The following FYN variants were observed in gnomAD, a reference collection of about 807,000 sequenced individuals.
The protein encoded by FYN is tyrosine-protein kinase Fyn.
FYN carries 10 observed loss-of-function variants against 70.2 expected under a neutral mutation model. The observed-to-expected ratio is 0.14, with a 90% CI of 0.09 to 0.24. The LOEUF (loss-of-function observed/expected upper bound fraction) is 0.24, where lower values mean the gene tolerates loss of function less well. Ranked by LOEUF, FYN falls within the 10% of genes least tolerant of loss-of-function variation. The probability of loss-of-function intolerance (pLI) is 1.00; values close to 1 mark genes in which losing one functional copy is unlikely to be tolerated. For missense variants in FYN, 319 were observed against 673.1 expected (o/e 0.47, Z 5.82); for synonymous variants, 236 against 248.6 (o/e 0.95, Z 0.48).
intron 3 of FYN, among the ~76,000 whole-genome samples, chr6:111,772,116 C>T (rs150368815): frequency 4.8e-4 from 73 of 152,254 alleles, no homozygotes; most frequent in African/African-American, 1.8e-3. Flanking sequence ...ATGTTCTACA[C>T]ATGAGGAGCC....
chr6:111,722,606 A>G (rs951357761), intron 3 of FYN, among the ~76,000 whole-genome samples: 5 of 152,192 alleles, frequency 3.3e-5, no homozygotes, highest in African/African-American at 1.2e-4. Flanking sequence ...ACAGACTCAT[A>G]TCACTTACAG....
chr6:111,767,050 A>AT (rs1240037600), intron 3 of FYN, among the ~76,000 whole-genome samples: 2 of 152,230 alleles, frequency 1.3e-5, no homozygotes, highest in Non-Finnish European at 2.9e-5. Context: ...CATCGACTAT[A>AT]TTTTTAATGC....
chr6:111,766,427 A>G (rs768794110), intron 3 of FYN, among the ~76,000 whole-genome samples: 1 of 152,208 alleles, frequency 6.6e-6, no homozygotes, highest in Non-Finnish European at 1.5e-5. Context: ...ATTAACCACA[A>G]AAAATTTCCA....
At chr6:111,844,702 C>T (rs947920392) in intron 2 of FYN, 2 of 152,224 alleles carry the variant, frequency 1.3e-5, no homozygotes, top group Non-Finnish European at 2.9e-5. Context: ...ATCCACACCA[C>T]GGGTCAGTCA....
chr6:111,740,802 C>G (rs1402618442), intron 3 of FYN, among the ~76,000 whole-genome samples: 1 of 152,208 alleles, frequency 6.6e-6, no homozygotes, highest in East Asian at 1.9e-4. Flanking sequence ...CCAAAATACT[C>G]ACACAGCTGG....
chr6:111,790,091 C>CTG (rs71021863), intron 2 of FYN, among the ~76,000 whole-genome samples: 24,514 of 150,510 alleles, frequency 0.16, 2,817 homozygotes, highest in African/African-American at 0.34. Flanking sequence ...AGTATCAGAA[C>CTG]TGTGTGTGTG....
At chr6:111,714,230 T>C (rs775564884) in intron 5 of FYN, 117 bp downstream of exon 5, 3 of 681,882 alleles carry the variant, frequency 4.4e-6, no homozygotes, top group Non-Finnish European at 7.8e-6. Context: ...TGTAAACCAG[T>C]GAATTTAGCA....
chr6:111,711,996 A>T (rs556717922), intron 5 of FYN, among the ~76,000 whole-genome samples: 1 of 152,148 alleles, frequency 6.6e-6, no homozygotes, highest in Non-Finnish European at 1.5e-5. Context: ...GGCTCAAAGG[A>T]CTCCGTAAAC....
intron 2 of FYN, among the ~76,000 whole-genome samples, chr6:111,828,009 T>C (rs535962826): frequency 1.7e-4 from 26 of 152,306 alleles, no homozygotes; most frequent in African/African-American, 6.3e-4. Flanking sequence ...CAATGGCCGC[T>C]TCACTCCGTG....
intron 3 of FYN, among the ~76,000 whole-genome samples, chr6:111,728,117 A>G (rs1801274641): frequency 6.6e-6 from 1 of 152,218 alleles, no homozygotes; most frequent in African/African-American, 2.4e-5. Context: ...AGAAAAGAGT[A>G]AGAACATTTT....
chr6:111,727,769 A>C (rs770269956), intron 3 of FYN, among the ~76,000 whole-genome samples: 3 of 152,220 alleles, frequency 2.0e-5, no homozygotes, highest in Non-Finnish European at 2.9e-5. Context: ...GAACCAAAGT[A>C]ATATAAATCA....
chr6:111,811,114 G>T (rs778655865), intron 2 of FYN, among the ~76,000 whole-genome samples: 1 of 152,186 alleles, frequency 6.6e-6, no homozygotes, highest in Non-Finnish European at 1.5e-5. Flanking sequence ...TTCTGCCTGT[G>T]CCTTTGCTGA....
At chr6:111,867,266 G>A (rs890755283) in intron 1 of FYN, among the ~76,000 whole-genome samples, 1 of 152,092 alleles carries the variant, frequency 6.6e-6, no homozygotes, top group Non-Finnish European at 1.5e-5. Flanking sequence ...GCAATCAGAA[G>A]TTCGAGACCA....
intron 3 of FYN, among the ~76,000 whole-genome samples, chr6:111,768,003 C>T (rs1803300525): frequency 6.6e-6 from 1 of 152,228 alleles, no homozygotes; most frequent in Admixed American, 6.5e-5. Context: ...TGCCTACTCA[C>T]ACCTCAGGAA....
intron 2 of FYN, chr6:111,781,017 T>C (rs1562518583): frequency 6.6e-6 from 1 of 152,236 alleles, no homozygotes; most frequent in Non-Finnish European, 1.5e-5. Flanking sequence ...TCCTCCCTTC[T>C]TGCCAGCTAG....
intron 3 of FYN, among the ~76,000 whole-genome samples, chr6:111,762,325 T>A (rs1008241781): frequency 6.6e-6 from 1 of 152,180 alleles, no homozygotes; most frequent in East Asian, 1.9e-4. Flanking sequence ...TCTATTTTAT[T>A]GTAAACGATA....
intron 1 of FYN, among the ~76,000 whole-genome samples, chr6:111,862,110 C>T (rs184033907): frequency 7.2e-5 from 11 of 152,276 alleles, no homozygotes; most frequent in African/African-American, 2.6e-4. Context: ...GTCCATTTGG[C>T]TATTGTTCTC....
At chr6:111,721,213 T>G (rs562964689) in intron 3 of FYN, among the ~76,000 whole-genome samples, 1 of 152,142 alleles carries the variant, frequency 6.6e-6, no homozygotes, top group East Asian at 1.9e-4. Flanking sequence ...TCCCATGGCA[T>G]CCTCATCTCC....
chr6:111,812,604 CTTT>C (rs369326017), intron 2 of FYN, among the ~76,000 whole-genome samples: 4 of 101,276 alleles, frequency 3.9e-5, no homozygotes, highest in African/African-American at 3.4e-5. Context: ...AGAAATTTTC[CTTT>C]TTTTTTTTTT....
Sources: allele counts gnomAD v4.1 joint callset (sites outside exome capture counted in the v4.1 genomes callset), GRCh38; gene constraint gnomAD v4.1.1; transcripts MANE v1.5; gene names NCBI Gene and HGNC (gene_info 2026-07-23, HGNC 2026-07-21).